CNTN1: variants seen among roughly 807,000 people sequenced by gnomAD.
CNTN1 encodes the protein contactin-1.
A neutral mutation model predicts 126.4 loss-of-function variants in CNTN1; 38 were observed. That is an observed-to-expected ratio of 0.30 (90% confidence interval 0.23 to 0.39). CNTN1 has a LOEUF of 0.39. CNTN1 is among the 10% of genes least tolerant of loss of function. The pLI, the probability that CNTN1 is intolerant of heterozygous loss-of-function variation, is 1.00. For missense variants in CNTN1, 1,009 were observed against 1,248.4 expected (o/e 0.81, Z 2.89); for synonymous variants, 413 against 422.6 (o/e 0.98, Z 0.28).
Position 41,029,143 on chromosome 12 carries a change from A to G in CNTN1, c.2904A>G (p.Arg968=). The G allele has an allele frequency of 6.2e-7, 1 of 1,614,100 alleles. No homozygotes were observed. The highest frequency in any genetic ancestry group is 1.3e-5 in the African/African-American group (1 of 75,032). The change falls in exon 23 of 24, where the codon AGA becomes AGG. Residue 968 remains arginine (R), a synonymous_variant. Coordinates refer to ENST00000551295, the MANE Select transcript of CNTN1 (RefSeq NM_001843.4). ...HKHSIEVPIP[R]DGEYVVEVRA... is the part of the protein sequence containing the mutation. ...ACTCCATAGAAGTCCCAATCCCCAG[A>G]GATGGAGAATACGTTGTGGAGGTTC...
chr12:41,069,008 A>G (rs1950107166), intron 23 of CNTN1, among the ~76,000 whole-genome samples: 1 of 152,112 alleles, frequency 6.6e-6, no homozygotes, highest in Non-Finnish European at 1.5e-5. Context: ...ATAATAATTA[A>G]TTTATTTAAA....
intron 1 of CNTN1, among the ~76,000 whole-genome samples, chr12:40,756,309 C>CCATA (rs1179201827): frequency 2.0e-5 from 3 of 151,800 alleles, no homozygotes; most frequent in Non-Finnish European, 4.4e-5. Flanking sequence ...AGAAAGAAGG[C>CCATA]CATAGTCAGA....
At chr12:40,786,472 T>G (rs912191200) in intron 1 of CNTN1, among the ~76,000 whole-genome samples, 3 of 152,188 alleles carry the variant, frequency 2.0e-5, no homozygotes, top group Non-Finnish European at 4.4e-5. Context: ...TCCATGGATC[T>G]TTCCAAGGTG....
At chr12:40,813,011 C>T (rs1203367649) in intron 1 of CNTN1, among the ~76,000 whole-genome samples, 2 of 115,016 alleles carry the variant, frequency 1.7e-5, no homozygotes, top group Non-Finnish European at 3.9e-5. Context: ...TTCCTTCCTT[C>T]CATCCTTTCT....
At chr12:40,844,471 GA>G (rs1482407371) in intron 1 of CNTN1, among the ~76,000 whole-genome samples, 1 of 152,058 alleles carries the variant, frequency 6.6e-6, no homozygotes, top group Non-Finnish European at 1.5e-5. Flanking sequence ...ATGAAAATAT[GA>G]ATGCCTTTAA....
At chr12:41,002,627 C>T (rs563311216) in intron 17 of CNTN1, among the ~76,000 whole-genome samples, 10 of 149,560 alleles carry the variant, frequency 6.7e-5, no homozygotes, top group Admixed American at 2.0e-4. Context: ...GTGCAATCTC[C>T]GCTCACTGCA....
chr12:41,048,502 A>G (rs1455826853), intron 23 of CNTN1, among the ~76,000 whole-genome samples: 2 of 152,058 alleles, frequency 1.3e-5, no homozygotes, highest in African/African-American at 4.8e-5. Context: ...TCCTAAGGAC[A>G]CCCCTCCACA....
chr12:40,693,007 G>C (rs551706213), intron 1 of CNTN1, among the ~76,000 whole-genome samples: 23 of 152,320 alleles, frequency 1.5e-4, no homozygotes. Context: ...ACGCCGGCCC[G>C]CACCTGCTCA....
At chr12:40,833,133 G>A (rs1592137305) in intron 1 of CNTN1, among the ~76,000 whole-genome samples, 1 of 152,000 alleles carries the variant, frequency 6.6e-6, no homozygotes, top group South Asian at 2.1e-4. Context: ...TCGGCTCACG[G>A]CAACCTCCTG....
intron 1 of CNTN1, among the ~76,000 whole-genome samples, chr12:40,695,413 G>T (rs563089048): frequency 1.3e-5 from 2 of 152,116 alleles, no homozygotes; most frequent in Non-Finnish European, 2.9e-5. Flanking sequence ...CTATGTACTG[G>T]TTCTATGTAT....
intron 17 of CNTN1, among the ~76,000 whole-genome samples, chr12:40,994,467 A>G (rs1474387484): frequency 6.6e-6 from 1 of 152,148 alleles, no homozygotes. Flanking sequence ...CAAATCAAAT[A>G]CATGATCTGT....
intron 1 of CNTN1, among the ~76,000 whole-genome samples, chr12:40,714,633 G>T (rs1451670162): frequency 6.6e-6 from 1 of 152,072 alleles, no homozygotes; most frequent in African/African-American, 2.4e-5. Flanking sequence ...AGATGTCAGG[G>T]TTGTCAAAAA....
At chr12:41,018,340 T>C (rs1948828856) in intron 19 of CNTN1, among the ~76,000 whole-genome samples, 1 of 152,064 alleles carries the variant, frequency 6.6e-6, no homozygotes, top group Non-Finnish European at 1.5e-5. Context: ...CCAACTTCCA[T>C]TGTTTTCACT....
At chr12:40,906,923 G>A (rs914011920) in intron 1 of CNTN1, among the ~76,000 whole-genome samples, 1 of 151,894 alleles carries the variant, frequency 6.6e-6, no homozygotes, top group Admixed American at 6.6e-5. Flanking sequence ...GGTGATCTAC[G>A]AGCTTCAGCC....
At chr12:40,956,638 G>T (rs10879420) in intron 14 of CNTN1, among the ~76,000 whole-genome samples, 96,579 of 151,830 alleles carry the variant, frequency 0.64, 30,818 homozygotes, top group Middle Eastern at 0.69. Flanking sequence ...AGAATGTTCT[G>T]CCTGGAGAGC....
chr12:41,056,886 AATATT>A (rs546002708), intron 23 of CNTN1, among the ~76,000 whole-genome samples: 52 of 132,104 alleles, frequency 3.9e-4, no homozygotes, highest in African/African-American at 1.1e-3. Flanking sequence ...GATATTTATA[AATATT>A]ATATTTAGAT....
intron 17 of CNTN1, among the ~76,000 whole-genome samples, chr12:41,011,486 A>C (rs2120706165): frequency 6.6e-6 from 1 of 152,310 alleles, no homozygotes; most frequent in South Asian, 2.1e-4. Context: ...GGGTGGGAGA[A>C]AGACAGTGGG....
chr12:40,756,411 A>C (rs1438570579), intron 1 of CNTN1, among the ~76,000 whole-genome samples: 1 of 152,154 alleles, frequency 6.6e-6, no homozygotes, highest in Non-Finnish European at 1.5e-5. Flanking sequence ...AAATTACCAA[A>C]TGATAGGAAG....
In CNTN1 at chr12:40,947,780, T is replaced by TACAC. The variant is rs1254129058; in HGVS notation, c.1683+3611_1683+3612insCACA. 1.8e-3 allele frequency among the ~76,000 whole-genome samples: 124 copies of TACAC among 67,570 alleles called. 1 individual carries two copies. Among genetic ancestry groups the TACAC allele is most frequent in the Middle Eastern group, 6.0e-3 (1 of 166 alleles). The allele number at this position is 67,570 out of a possible 152,430, so 44.3% of individuals were successfully genotyped here. On this transcript the variant is annotated intron_variant, in intron 14 of 23. Coordinates refer to ENST00000551295, the MANE Select transcript of CNTN1 (RefSeq NM_001843.4). ...TCACTATTTCATATATATATATATA[T>TACAC]ATACACACACACACACACACACACA...
Sources: gnomAD v4.1 joint callset for allele counts (sites outside exome capture counted in the v4.1 genomes callset) on GRCh38, gnomAD v4.1.1 for gene constraint, MANE v1.5 for transcripts, NCBI Gene and HGNC (gene_info 2026-07-23, HGNC 2026-07-21) for gene names.